TLK2: variants seen among roughly 807,000 people sequenced by gnomAD.
TLK2 encodes serine/threonine-protein kinase tousled-like 2.
Under a neutral mutation model 117.3 loss-of-function variants are expected in TLK2, and 6 were observed. The ratio of observed to expected loss-of-function variants is 0.05; its 90% CI spans 0.03 to 0.10. TLK2 has a LOEUF of 0.10. TLK2 is among the 10% of genes least tolerant of loss of function. TLK2 has a pLI of 1.00. For missense variants in TLK2, 299 were observed against 901.2 expected (o/e 0.33, Z 8.56); for synonymous variants, 257 against 316.7 (o/e 0.81, Z 2.00).
intron 11 of TLK2, among the ~76,000 whole-genome samples, chr17:62,571,770 C>T (rs2080311111): frequency 6.6e-6 from 1 of 152,114 alleles, no homozygotes; most frequent in South Asian, 2.1e-4. Flanking sequence ...TGGTTTTCTG[C>T]TTGTCGTTCT....
chr17:62,494,819 AG>A (rs775104427), intron 2 of TLK2, among the ~76,000 whole-genome samples: 2 of 152,196 alleles, frequency 1.3e-5, no homozygotes, highest in Non-Finnish European at 2.9e-5. Context: ...TCCCAGAATA[AG>A]GGAGTATAAT....
intron 20 of TLK2, among the ~76,000 whole-genome samples, chr17:62,606,546 G>A (rs1021534754): frequency 1.4e-4 from 21 of 152,132 alleles, no homozygotes; most frequent in Admixed American, 1.2e-3. Context: ...TACAAAAATC[G>A]TTTATTTATT....
intron 2 of TLK2, among the ~76,000 whole-genome samples, chr17:62,489,738 C>T (rs1464088552): frequency 2.0e-5 from 3 of 152,202 alleles, no homozygotes; most frequent in Non-Finnish European, 4.4e-5. Flanking sequence ...TCATTATTCA[C>T]ATTTTGCATT....
intron 15 of TLK2, among the ~76,000 whole-genome samples, chr17:62,583,114 CAG>C (rs1211794638): frequency 6.6e-6 from 1 of 152,030 alleles, no homozygotes; most frequent in Admixed American, 6.6e-5. Flanking sequence ...TGTTTTGAGA[CAG>C]AGTCTTGCTC....
intron 4 of TLK2, among the ~76,000 whole-genome samples, chr17:62,522,496 G>A (rs1439471426): frequency 6.6e-6 from 1 of 152,184 alleles, no homozygotes; most frequent in East Asian, 1.9e-4. Context: ...CCTGTTGTAA[G>A]CTAACAATCT....
intron 9 of TLK2, among the ~76,000 whole-genome samples, chr17:62,554,352 A>G (rs370346714): frequency 1.3e-5 from 2 of 152,210 alleles, no homozygotes; most frequent in Admixed American, 6.5e-5. Context: ...AGGCAGGTGG[A>G]TCACTTGAGG....
chr17:62,480,146 A>G (rs2071457326), intron 1 of TLK2, among the ~76,000 whole-genome samples: 1 of 152,278 alleles, frequency 6.6e-6, no homozygotes, highest in African/African-American at 2.4e-5. Context: ...TGGAGATTGT[A>G]GAGTTGTTGG....
At chr17:62,532,759 G>A (rs992000833) in intron 6 of TLK2, among the ~76,000 whole-genome samples, 2 of 152,080 alleles carry the variant, frequency 1.3e-5, no homozygotes, top group African/African-American at 4.8e-5. Flanking sequence ...TATCTTGTAA[G>A]CATTTATATC....
chr17:62,542,673 TG>T (rs1286751707), intron 7 of TLK2, among the ~76,000 whole-genome samples: 1 of 152,200 alleles, frequency 6.6e-6, no homozygotes, highest in African/African-American at 2.4e-5. Context: ...TTGGACTCAC[TG>T]AAAAGAAGAG....
chr17:62,549,417 A>T lies in TLK2; in HGVS notation c.532-2885A>T, dbSNP rs1598511682. Among the ~76,000 whole-genome samples the T allele has an allele frequency of 1.7e-3, 55 of 32,614 alleles. 1 individual carries two copies. The highest frequency in any genetic ancestry group is 2.4e-3 in the African/African-American group (29 of 12,322). The allele number at this position is 32,614 out of a possible 152,430, so 21.4% of individuals were successfully genotyped here. On this transcript the variant is annotated intron_variant, in intron 7 of 21. Coordinates refer to ENST00000346027, the MANE Select transcript of TLK2 (RefSeq NM_006852.6). ...CCATCTCAAAAAAAAAAAAAAAAAA[A>T]AAAAAAAAAAAAAAAAAAAATAGAA...
intron 2 of TLK2, among the ~76,000 whole-genome samples, chr17:62,505,363 C>T (rs1437758194): frequency 6.8e-6 from 1 of 146,324 alleles, no homozygotes; most frequent in Non-Finnish European, 1.5e-5. Context: ...CACAACTCAG[C>T]CTTCTAAGAA....
chr17:62,539,685 C>T (rs1000681127), intron 7 of TLK2, among the ~76,000 whole-genome samples: 3 of 151,980 alleles, frequency 2.0e-5, no homozygotes, highest in African/African-American at 7.3e-5. Flanking sequence ...GCCATGTTGG[C>T]CAGGCAACAT....
chr17:62,514,579 C>CTTT (rs779645456), intron 2 of TLK2, among the ~76,000 whole-genome samples: 1 of 136,152 alleles, frequency 7.3e-6, no homozygotes. Flanking sequence ...TCTTAACCTT[C>CTTT]TTTTTTTTTT....
intron 12 of TLK2, 38 bp downstream of exon 12, chr17:62,573,405 C>T (rs780073647): frequency 1.3e-5 from 21 of 1,600,244 alleles, no homozygotes; most frequent in Non-Finnish European, 1.6e-5. Context: ...AGACACCACA[C>T]CCTGCCCCCA....
intron 2 of TLK2, among the ~76,000 whole-genome samples, chr17:62,488,020 A>G (rs1289601962): frequency 2.0e-5 from 3 of 152,106 alleles, no homozygotes; most frequent in Non-Finnish European, 4.4e-5. Flanking sequence ...GCTCACAGCA[A>G]TCTCCACCTC....
At chr17:62,516,732 A>G in intron 2 of TLK2, 1 of 1,590,516 alleles carries the variant, frequency 6.3e-7, no homozygotes, top group South Asian at 1.1e-5. Flanking sequence ...AAAGGAGTTC[A>G]TAAATGGCAA....
At chr17:62,558,082 C>T (rs750937277) in intron 9 of TLK2, among the ~76,000 whole-genome samples, 12 of 151,842 alleles carry the variant, frequency 7.9e-5, no homozygotes, top group African/African-American at 2.7e-4. Flanking sequence ...TTCTTTCAGA[C>T]GTCATTCATT....
chr17:62,499,614 C>T (rs1484254565), intron 2 of TLK2, among the ~76,000 whole-genome samples: 1 of 151,948 alleles, frequency 6.6e-6, no homozygotes, highest in African/African-American at 2.4e-5. Context: ...CTTTGGGAGG[C>T]CGAGGTGGGC....
intron 8 of TLK2, 122 bp from the exon 9 acceptor site, chr17:62,553,541 T>C (rs1598544130): frequency 3.7e-5 from 26 of 696,774 alleles, no homozygotes; most frequent in South Asian, 3.6e-4. Flanking sequence ...GCCATGTGAT[T>C]CTAGGCCATT....
Sources: allele counts gnomAD v4.1 joint callset (sites outside exome capture counted in the v4.1 genomes callset), GRCh38; gene constraint gnomAD v4.1.1; transcripts MANE v1.5; gene names NCBI Gene and HGNC (gene_info 2026-07-23, HGNC 2026-07-21).